Variants in ADAMTS2 observed in about 807,000 individuals in gnomAD.
The protein encoded by ADAMTS2 is A disintegrin and metalloproteinase with thrombospondin motifs 2.
ADAMTS2 carries 50 observed loss-of-function variants against 123.0 expected under a neutral mutation model. The ratio of observed to expected loss-of-function variants is 0.41; its 90% CI spans 0.32 to 0.51. The LOEUF (loss-of-function observed/expected upper bound fraction) is 0.51. ADAMTS2 is among the 20% of genes least tolerant of loss of function. The probability of loss-of-function intolerance (pLI) is 0.35; values close to 1 mark genes in which losing one functional copy is unlikely to be tolerated. For synonymous variants in ADAMTS2, 678 were observed against 695.4 expected, an observed-to-expected ratio of 0.98 and a Z score of 0.39; for missense variants, 1,494 against 1,705.2, an observed-to-expected ratio of 0.88 and a Z score of 2.18.
At position 179,197,908 on chromosome 5, in the gene ADAMTS2, G is replaced by C. The variant is rs1305407692; in HGVS notation, c.891+9605C>G. On this transcript the variant is annotated intron_variant, in intron 4 of 21. Coordinates refer to ENST00000251582, the MANE Select transcript of ADAMTS2 (RefSeq NM_014244.5). The surrounding 1 kb of genome is among the most constrained non-coding windows in gnomAD (Gnocchi z 4.2). ...CTGTCAGGCCCAAGCCCACTCTTTA[G>C]GGGTGCCCAGGCCCACACACATGGC... is the stretch of plus-strand genomic sequence containing the variant. 6.6e-6 allele frequency among the ~76,000 whole-genome samples: 1 copy of C among 152,162 alleles called. No individual in the cohort carries two copies. Among genetic ancestry groups the C allele is most frequent in the Non-Finnish European group, 1.5e-5 (1 of 68,030 alleles).
intron 13 of ADAMTS2, among the ~76,000 whole-genome samples, chr5:179,133,863 C>T (rs1169813210): frequency 2.0e-5 from 3 of 148,452 alleles, no homozygotes; most frequent in Admixed American, 6.7e-5. Flanking sequence ...CCTGTAGTCC[C>T]AGCTAATTTT....
At chr5:179,253,487 T>G (rs1049146373) in intron 3 of ADAMTS2, among the ~76,000 whole-genome samples, 1 of 151,652 alleles carries the variant, frequency 6.6e-6, no homozygotes, top group Non-Finnish European at 1.5e-5. Context: ...CTACAAAAAA[T>G]ACAAAAAAAT....
chr5:179,232,496 C>T (rs1765430460), intron 3 of ADAMTS2, among the ~76,000 whole-genome samples: 1 of 152,216 alleles, frequency 6.6e-6, no homozygotes. Context: ...GATATGAACC[C>T]TGGCATGGCT....
chr5:179,195,874 G>A (rs1764417669), intron 4 of ADAMTS2, among the ~76,000 whole-genome samples: 1 of 152,194 alleles, frequency 6.6e-6, no homozygotes, highest in Non-Finnish European at 1.5e-5. Context: ...AACCCCGCTT[G>A]CCTCCCCCCA....
At chr5:179,264,540 C>A (rs929219212) in intron 3 of ADAMTS2, among the ~76,000 whole-genome samples, 1 of 152,268 alleles carries the variant, frequency 6.6e-6, no homozygotes, top group Non-Finnish European at 1.5e-5. Flanking sequence ...CACAGCTTCA[C>A]CCCTGAGCCG....
rs1444321916 is a variant in ADAMTS2, at chr5:179,117,180, A to G, written c.3179-2856T>C. On this transcript the variant is annotated intron_variant, in intron 21 of 21. Coordinates refer to ENST00000251582, the MANE Select transcript of ADAMTS2 (RefSeq NM_014244.5). The surrounding 1 kb of genome is among the most constrained non-coding windows in gnomAD (Gnocchi z 4.2). ...CCTCTCCAGCAGCCTGGTTTGTGAAACCACTGAGCCCTACCCTCAGGGAAA... is the reference window on the plus strand; with the variant it reads ...CCTCTCCAGCAGCCTGGTTTGTGAAGCCACTGAGCCCTACCCTCAGGGAAA... 6.6e-6 allele frequency among the ~76,000 whole-genome samples: 1 copy of G among 152,032 alleles called. No individual in the cohort carries two copies. The highest frequency in any genetic ancestry group is 2.4e-5 in the African/African-American group (1 of 41,364).
intron 2 of ADAMTS2, among the ~76,000 whole-genome samples, chr5:179,340,532 C>A (rs1057099013): frequency 1.1e-4 from 17 of 152,188 alleles, no homozygotes; most frequent in South Asian, 2.1e-4. Context: ...TTTTAAAATT[C>A]TTTTTGTAGG....
chr5:179,153,509 G>T lies in ADAMTS2; in HGVS notation c.1497C>A (p.Gly499=). ...CACTCACCGCCGTGCACATCATGTA[G>T]CCCAGGCCGAAGTCAAAGCGGCATT... The part of the protein sequence containing the change: ...NEQCRFDFGL[G]YMMCTAFRTF... Residue 499 remains glycine, a synonymous_variant, in exon 9 of 22, where the codon GGC becomes GGA. Coordinates refer to ENST00000251582, the MANE Select transcript of ADAMTS2 (RefSeq NM_014244.5). 6.2e-7 allele frequency: 1 copy of T among 1,609,924 alleles called. No individual in the cohort carries two copies.
intron 3 of ADAMTS2, among the ~76,000 whole-genome samples, chr5:179,250,152 C>A (rs767104707): frequency 2.3e-4 from 35 of 152,034 alleles, no homozygotes; most frequent in Non-Finnish European, 4.6e-4. Flanking sequence ...CCTTTGTGAT[C>A]AAAAAATACT....
chr5:179,217,750 G>A (rs78450692), intron 3 of ADAMTS2, among the ~76,000 whole-genome samples: 13 of 101,934 alleles, frequency 1.3e-4, no homozygotes, highest in Admixed American at 4.4e-4. Flanking sequence ...ACTTGCTAGG[G>A]GATGGTGTGA....
At position 179,256,946 on chromosome 5, in the gene ADAMTS2, C is replaced by T. The variant is rs1377340562; in HGVS notation, c.688+15965G>A. 6.6e-6 allele frequency among the ~76,000 whole-genome samples: 1 copy of T among 152,270 alleles called. No individual in the cohort carries two copies. The highest frequency in any genetic ancestry group is 1.5e-5 in the Non-Finnish European group (1 of 68,040). On this transcript the variant is annotated intron_variant, in intron 3 of 21. Transcript: ENST00000251582. The surrounding 1 kb of genome is among the most constrained non-coding windows in gnomAD (Gnocchi z 4.1). ...CCCGATGTACATACAGACGAGAAGA[C>T]TGAGGTCAGGCCAGAGCAAGGACTC...
intron 3 of ADAMTS2, among the ~76,000 whole-genome samples, chr5:179,230,159 G>A (rs1765374831): frequency 6.6e-6 from 1 of 152,228 alleles, no homozygotes; most frequent in Admixed American, 6.5e-5. Context: ...TAGCAGAGGT[G>A]GTCCCGGCGG....
chr5:179,152,380 G>C (rs1213802584), intron 9 of ADAMTS2, 125 bp from the exon 10 acceptor site: 2 of 900,782 alleles, frequency 2.2e-6, no homozygotes, highest in Non-Finnish European at 3.6e-6. Flanking sequence ...GGGCCCGTGA[G>C]GCTGGTGGGT....
chr5:179,338,291 G>C (rs768204474), intron 2 of ADAMTS2, among the ~76,000 whole-genome samples: 2 of 152,166 alleles, frequency 1.3e-5, no homozygotes, highest in Non-Finnish European at 2.9e-5. Context: ...GTAACTCCTA[G>C]AGCCTCGGTT....
chr5:179,138,158 A>AC (rs1486931405), intron 11 of ADAMTS2, among the ~76,000 whole-genome samples: 2 of 152,144 alleles, frequency 1.3e-5, no homozygotes, highest in African/African-American at 4.8e-5. Flanking sequence ...TCTTGAAAGG[A>AC]CAGGACAGGA....
chr5:179,126,853 G>A (rs920524218), intron 17 of ADAMTS2, among the ~76,000 whole-genome samples: 6 of 152,152 alleles, frequency 3.9e-5, no homozygotes, highest in African/African-American at 1.4e-4. Context: ...GGCGGTGGAG[G>A]GGCTCAGGCG....
Position 179,175,027 on chromosome 5 carries a change from G to A in ADAMTS2, c.975+6045C>T, listed in dbSNP as rs71589489. On this transcript the variant is annotated intron_variant, in intron 5 of 21. Coordinates refer to ENST00000251582, the MANE Select transcript of ADAMTS2 (RefSeq NM_014244.5). This position sits in a 1 kb window ranked among gnomAD's most constrained non-coding sequence, Gnocchi z 4.1. Reference sequence around the variant, plus strand: ...GAAGTCTCTTCCTTGCTTGGGTTCCGCAGCTGTCTCAGCCATTCTTGACCG... The same window carrying A: ...GAAGTCTCTTCCTTGCTTGGGTTCCACAGCTGTCTCAGCCATTCTTGACCG... 0.33 allele frequency among the ~76,000 whole-genome samples: 45,024 copies of A among 134,798 alleles called. 6,022 individuals are homozygous for A. Among genetic ancestry groups the A allele is most frequent in the East Asian group, 0.65 (2,610 of 4,038 alleles). The allele number at this position is 134,798 out of a possible 152,430, so 88.4% of individuals were successfully genotyped here.
chr5:179,245,776 A>C lies in ADAMTS2; in HGVS notation c.688+27135T>G, dbSNP rs1426382716. On this transcript the variant is annotated intron_variant, in intron 3 of 21. Coordinates refer to ENST00000251582, the MANE Select transcript of ADAMTS2 (RefSeq NM_014244.5). ...GCGAGACTCCGTCTCAAAAAAAAAAAAAAAAAAAAAAAAAAAAAACAAAAA... is the reference window on the plus strand; with the variant it reads ...GCGAGACTCCGTCTCAAAAAAAAAACAAAAAAAAAAAAAAAAAAACAAAAA... Among the ~76,000 whole-genome samples the C allele has an allele frequency of 9.5e-5, 12 of 125,730 alleles. No homozygotes were observed. In the East Asian group the frequency reaches 1.4e-3, roughly 15 times the overall value. The allele number at this position is 125,730 out of a possible 152,430, so 82.5% of individuals were successfully genotyped here. A position where few individuals can be genotyped will look rare whatever the true frequency, so the allele number is the denominator to read the frequency against.
chr5:179,315,204 C>G (rs1441682972), intron 2 of ADAMTS2, among the ~76,000 whole-genome samples: 1 of 150,672 alleles, frequency 6.6e-6, no homozygotes, highest in African/African-American at 2.5e-5. Flanking sequence ...TCCCAAGACA[C>G]GCGTCCACGT....
Sources: gnomAD v4.1 joint callset for allele counts (sites outside exome capture counted in the v4.1 genomes callset) on GRCh38, gnomAD v4.1.1 for gene constraint, Gnocchi (gnomAD v3.1) non-coding constraint, MANE v1.5 for transcripts, NCBI Gene and HGNC (gene_info 2026-07-23, HGNC 2026-07-21) for gene names.